LMNB2: variants seen among roughly 807,000 people sequenced by gnomAD.
LMNB2 encodes lamin B2.
A neutral mutation model predicts 69.3 loss-of-function variants in LMNB2; 17 were observed. The observed-to-expected ratio is 0.25, with a 90% CI of 0.17 to 0.37. LMNB2 has a LOEUF of 0.37. LMNB2 is among the 10% of genes least tolerant of loss of function. The pLI is 1.00. For synonymous variants in LMNB2, 397 were observed against 389.3 expected, an observed-to-expected ratio of 1.02 and a Z score of -0.23; for missense variants, 789 against 883.6, an observed-to-expected ratio of 0.89 and a Z score of 1.36.
intron 8 of LMNB2, among the ~76,000 whole-genome samples, chr19:2,433,328 G>A (rs1303856776): frequency 1.1e-4 from 2 of 18,104 alleles, no homozygotes; most frequent in Non-Finnish European, 1.0e-4. Context: ...ATTGGCCGGC[G>A]GCCCCGTCAC....
chr19:2,445,696 C>T (rs1971947437), intron 1 of LMNB2, among the ~76,000 whole-genome samples: 1 of 98,358 alleles, frequency 1.0e-5, no homozygotes, highest in East Asian at 3.2e-4. Context: ...ACCCCTCGAT[C>T]ACAGGGATCT....
chr19:2,434,928 G>T lies in LMNB2; in HGVS notation c.856-15C>A. On this transcript the variant is annotated splice_polypyrimidine_tract_variant and intron_variant, in intron 5 of 11. Transcript: ENST00000325327. ...GCGCTGTCCAGCTGTGGGGAGACGGGCGGGTGAGTGCGGGCGCGGGGCGGG... is the reference window on the plus strand; with the variant it reads ...GCGCTGTCCAGCTGTGGGGAGACGGTCGGGTGAGTGCGGGCGCGGGGCGGG... 2 of 1,594,666 alleles carry T rather than the reference G, an allele frequency of 1.3e-6. No individual in the cohort carries two copies. The highest frequency in any genetic ancestry group is 1.7e-6 in the Non-Finnish European group (2 of 1,175,086).
chr19:2,432,338 AGTCCTGTGC>A, intron 9 of LMNB2, 69 bp downstream of exon 9: 1 of 981,324 alleles, frequency 1.0e-6, no homozygotes, highest in Non-Finnish European at 1.6e-6. Flanking sequence ...ACCCCCGCCA[AGTCCTGTGC>A]CTCCAGTCCC....
At chr19:2,446,365 G>T (rs968976734) in intron 1 of LMNB2, among the ~76,000 whole-genome samples, 1 of 151,752 alleles carries the variant, frequency 6.6e-6, no homozygotes, top group Non-Finnish European at 1.5e-5. Flanking sequence ...CCTAAGCCCC[G>T]CGCAAAGCCC....
In LMNB2 at chr19:2,435,016, C is replaced by T. The variant is rs762180256; in HGVS notation, c.840G>A (p.Gln280=). Residue 280 remains glutamine (Q), a synonymous_variant, in exon 5 of 12, where the codon CAG becomes CAA. Coordinates refer to ENST00000325327, the MANE Select transcript of LMNB2 (RefSeq NM_032737.4). The part of the protein sequence containing the change: ...QVRLYKLELE[Q]TYQAKLDSAK... Reference sequence around the variant, plus strand: ...CCGGCCACACCTTGGCCTGGTAGGTCTGCTCCAGCTCCAGCTTGTAGAGCC... The same window carrying T: ...CCGGCCACACCTTGGCCTGGTAGGTTTGCTCCAGCTCCAGCTTGTAGAGCC... The T allele has an allele frequency of 6.4e-7, 1 of 1,558,474 alleles. No individual in the cohort carries two copies. Among genetic ancestry groups the T allele is most frequent in the Non-Finnish European group, 8.7e-7 (1 of 1,151,078 alleles).
chr19:2,450,479 A>G (rs1480789489), intron 1 of LMNB2, among the ~76,000 whole-genome samples: 1 of 151,918 alleles, frequency 6.6e-6, no homozygotes, highest in African/African-American at 2.4e-5. Flanking sequence ...AGCCTGCCTC[A>G]GCCTTCCAAA....
chr19:2,450,426 C>CA (rs754031514), intron 1 of LMNB2, among the ~76,000 whole-genome samples: 13 of 150,334 alleles, frequency 8.6e-5, no homozygotes, highest in Non-Finnish European at 7.4e-5. Context: ...CAGTGGCTCA[C>CA]AGCTGCAGTC....
Position 2,439,035 on chromosome 19 carries a change from C to CTTT in LMNB2, c.402-507_402-505dup, listed in dbSNP as rs397945879. Among the ~76,000 whole-genome samples, 578 of 65,676 alleles carry CTTT rather than the reference C, an allele frequency of 8.8e-3. 56 individuals carry two copies. Among genetic ancestry groups the CTTT allele is most frequent in the African/African-American group, 0.011 (165 of 15,408 alleles). 43.1% of individuals were successfully genotyped at this position (65,676 alleles called of 152,430 possible). A position where few individuals can be genotyped will look rare whatever the true frequency, so the allele number is the denominator to read the frequency against. On this transcript the variant is annotated intron_variant, in intron 2 of 11. Coordinates refer to ENST00000325327, the MANE Select transcript of LMNB2 (RefSeq NM_032737.4). ...CCAGTGTGGATTGTAGGCACTTAAGCTTTTTTTTTTTTTTTTTTTTTTTTT... is the reference window on the plus strand; with the variant it reads ...CCAGTGTGGATTGTAGGCACTTAAGCTTTTTTTTTTTTTTTTTTTTTTTTTTTT...
In LMNB2 at chr19:2,451,869, C is replaced by T. The variant is rs1411713862; in HGVS notation, c.264+4801G>A. Among the ~76,000 whole-genome samples, 8 of 152,076 alleles carry T rather than the reference C, an allele frequency of 5.3e-5. No homozygotes were observed. In the East Asian group the frequency reaches 1.4e-3, roughly 26 times the overall value. Reference sequence around the variant, plus strand: ...CTTCCAAAGTGGACTCCATCCTCCACGCTCGCCTGGGCCGCCTCCGAGACC... The same window carrying T: ...CTTCCAAAGTGGACTCCATCCTCCATGCTCGCCTGGGCCGCCTCCGAGACC... On this transcript the variant is annotated intron_variant, in intron 1 of 11. Transcript: ENST00000325327.
In LMNB2 at chr19:2,433,915, C is replaced by A. The variant is rs767288159; in HGVS notation, c.1393G>T (p.Ala465Ser). Residue 465 changes from alanine (A) to serine (S), a missense_variant, in exon 8 of 12, where the codon GCC becomes TCC. Physicochemically the swap from Ala to Ser is moderately conservative, Grantham distance 99. This residue lies in a region of LMNB2 where 609 missense variants were observed against 630.9 expected (regional missense o/e 0.97). Coordinates refer to ENST00000325327, the MANE Select transcript of LMNB2 (RefSeq NM_032737.4). ...GTGGSGGFHLAQQASASGSVS... is the reference protein window; with the variant it reads ...GTGGSGGFHLSQQASASGSVS... ...CTACCCGAGGCCGAGGCCTGCTGGG[C>A]CAGGTGGAAGCCACCGCTGCCACCC... The A allele has an allele frequency of 2.9e-5, 46 of 1,612,148 alleles. No homozygotes were observed. The highest frequency in any genetic ancestry group is 3.9e-5 in the Non-Finnish European group (46 of 1,179,416).
Position 2,456,868 on chromosome 19 carries a change from G to A in LMNB2, c.66C>T (p.Ala22=), listed in dbSNP as rs1256724900. The A allele has an allele frequency of 1.7e-6, 2 of 1,152,486 alleles. No homozygotes were observed. The highest frequency in any genetic ancestry group is 2.1e-6 in the Non-Finnish European group (2 of 937,602). The allele number at this position is 1,152,486 out of a possible 1,614,324, so 71.4% of individuals were successfully genotyped here. A position where few individuals can be genotyped will look rare whatever the true frequency, so the allele number is the denominator to read the frequency against. ...CGCCCGCGCGGCCGGGCAGCGGCGT[G>A]GCCATGGTGGCGGCGGCTCGCGGCC... The part of the protein sequence containing the change: ...QRRPRAAATM[A]TPLPGRAGGP... Residue 22 remains alanine (A), a synonymous_variant, in exon 1 of 12, where the codon GCC becomes GCT. Coordinates refer to ENST00000325327, the MANE Select transcript of LMNB2 (RefSeq NM_032737.4).
chr19:2,437,947 G>A (rs936455803), intron 4 of LMNB2, among the ~76,000 whole-genome samples: 1 of 152,226 alleles, frequency 6.6e-6, no homozygotes, highest in Non-Finnish European at 1.5e-5. Flanking sequence ...GATACACAGA[G>A]TATGGACACA....
chr19:2,439,573 C>T (rs1971870045), intron 2 of LMNB2, among the ~76,000 whole-genome samples: 1 of 152,142 alleles, frequency 6.6e-6, no homozygotes, highest in Non-Finnish European at 1.5e-5. Context: ...CAGAATCACC[C>T]CAGGATGGGG....
At position 2,429,305 on chromosome 19, in the gene LMNB2, C is replaced by G. The variant is rs901786632; in HGVS notation, c.*1606G>C. 2 of 152,244 alleles carry G rather than the reference C, an allele frequency of 1.3e-5. No individual in the cohort carries two copies. Among genetic ancestry groups the G allele is most frequent in the Non-Finnish European group, 2.9e-5 (2 of 68,046 alleles). The allele number at this position is 152,244 out of a possible 1,614,324, so 9.4% of individuals were successfully genotyped here. The stretch of plus-strand genomic sequence containing the variant: ...TGGCAGAGGGTATCCCCGGGGCAGG[C>G]AAAGCTCCCTACCAGCCGCCTGACT... On this transcript the variant is annotated 3_prime_UTR_variant, in exon 12 of 12. Transcript: ENST00000325327.
At chr19:2,436,509 C>G (rs1427977324) in intron 4 of LMNB2, among the ~76,000 whole-genome samples, 2 of 151,396 alleles carry the variant, frequency 1.3e-5, no homozygotes, top group African/African-American at 4.8e-5. Flanking sequence ...GCGCACCCAC[C>G]TCCACGGCCG....
intron 2 of LMNB2, among the ~76,000 whole-genome samples, chr19:2,442,554 G>A (rs1025079012): frequency 6.6e-6 from 1 of 152,112 alleles, no homozygotes; most frequent in Non-Finnish European, 1.5e-5. Flanking sequence ...GGGTGACAGA[G>A]CAAGACTATG....
Position 2,430,473 on chromosome 19 carries a change from T to G in LMNB2, c.*438A>C. On this transcript the variant is annotated 3_prime_UTR_variant, in exon 12 of 12. Transcript: ENST00000325327. ...AGGCTTGGCCCCGGGCCCCACCAGG[T>G]CGACGCCTGGATTCTGAATTTGGTT... 3.7e-6 allele frequency: 1 copy of G among 273,014 alleles called. No individual in the cohort carries two copies. The highest frequency in any genetic ancestry group is 3.6e-5 in the South Asian group (1 of 27,486). The allele number at this position is 273,014 out of a possible 1,614,324, so 16.9% of individuals were successfully genotyped here. A position where few individuals can be genotyped will look rare whatever the true frequency, so the allele number is the denominator to read the frequency against.
At position 2,431,884 on chromosome 19, in the gene LMNB2, C is replaced by T; in HGVS notation, c.1609G>A (p.Gly537Arg). 6.2e-7 allele frequency: 1 copy of T among 1,612,366 alleles called. No homozygotes were observed. The highest frequency in any genetic ancestry group is 8.5e-7 in the Non-Finnish European group (1 of 1,179,896). ...QMVTVWAAGAGVAHSPPSTLV... is the reference protein window; with the variant it reads ...QMVTVWAAGARVAHSPPSTLV... ...GTCGAGGGGGGGCTGTGGGCCACCC[C>T]CGCACCAGCTGCCCACACCTGAGGA... The change falls in exon 10 of 12, where the codon GGG becomes AGG. Residue 537 changes from glycine to arginine, a missense_variant. By Grantham distance (125) the Gly-to-Arg change is moderately radical. Transcript: ENST00000325327.
rs150969746 is a variant in LMNB2 at position 2,435,052 on chromosome 19, G to T, written c.804C>A (p.Asp268Glu). 4.3e-6 allele frequency: 7 copies of T among 1,610,406 alleles called. No homozygotes were observed. The highest frequency in any genetic ancestry group is 5.9e-6 in the Non-Finnish European group (7 of 1,179,638). Reference sequence around the variant, plus strand: ...CCAGCTTGTAGAGCCGCACTTGCTCGTCGTGCTGGCTCCGCAGCTCCTCCA... The same window carrying T: ...CCAGCTTGTAGAGCCGCACTTGCTCTTCGTGCTGGCTCCGCAGCTCCTCCA... Reference protein sequence around the residue: ...QALEELRSQHDEQVRLYKLEL... With the variant: ...QALEELRSQHEEQVRLYKLEL... Residue 268 changes from aspartate (D) to glutamate (E), a missense_variant, in exon 5 of 12, where the codon GAC becomes GAA. Physicochemically the swap from Asp to Glu is conservative, Grantham distance 45. Around this residue, in one of 3 missense-constraint regions of LMNB2, gnomAD observed 609 missense variants for 630.9 expected, o/e 0.97. Coordinates refer to ENST00000325327, the MANE Select transcript of LMNB2 (RefSeq NM_032737.4).
Sources: allele counts gnomAD v4.1 joint callset (sites outside exome capture counted in the v4.1 genomes callset), GRCh38; gene constraint gnomAD v4.1.1; regional missense constraint gnomAD v4.1.1; transcripts MANE v1.5; gene names NCBI Gene and HGNC (gene_info 2026-07-23, HGNC 2026-07-21).